Variants in NDUFV3 observed in about 807,000 individuals in gnomAD.
NDUFV3 encodes the protein NADH dehydrogenase [ubiquinone] flavoprotein 3, mitochondrial.
In NDUFV3, 44 loss-of-function variants were observed where a neutral mutation model predicts 37.5. The ratio of observed to expected loss-of-function variants is 1.17; its 90% CI spans 0.92 to 1.51. The LOEUF (loss-of-function observed/expected upper bound fraction) is 1.51, where lower values mean the gene tolerates loss of function less well. Ranked by LOEUF, NDUFV3 falls within the 40% of genes most tolerant of loss-of-function variation. The pLI is 0.00. For missense variants in NDUFV3, 580 were observed against 580.4 expected, an observed-to-expected ratio of 1.00 and a Z score of 0.01; for synonymous variants, 235 against 239.3, an observed-to-expected ratio of 0.98 and a Z score of 0.17.
Position 42,908,902 on chromosome 21 carries a change from A to G in NDUFV3, c.1303A>G (p.Thr435Ala), listed in dbSNP as rs1320004032. The stretch of plus-strand genomic sequence containing the variant: ...GCCTGCTGAGCCGTTTGACAACACT[A>G]CCTACAAGAACCTGCAGCATCATGA... ...PVPAEPFDNTTYKNLQHHDYS... is the reference protein window; with the variant it reads ...PVPAEPFDNTAYKNLQHHDYS... Residue 435 changes from threonine (T) to alanine (A), a missense_variant, in exon 4 of 4, where the codon ACC (threonine) becomes GCC (alanine). Coordinates refer to ENST00000354250, the MANE Select transcript of NDUFV3 (RefSeq NM_021075.4). 5 of 1,614,112 alleles carry G rather than the reference A, an allele frequency of 3.1e-6. No homozygotes were observed. The highest frequency in any genetic ancestry group is 4.2e-6 in the Non-Finnish European group (5 of 1,180,022).
intron 3 of NDUFV3, among the ~76,000 whole-genome samples, chr21:42,908,021 G>A (rs1015569012): frequency 6.6e-6 from 1 of 151,942 alleles, no homozygotes; most frequent in Non-Finnish European, 1.5e-5. Context: ...AAGACACGTT[G>A]TATGGCCTGG....
At chr21:42,904,826 C>T in intron 3 of NDUFV3, among the ~76,000 whole-genome samples, 1 of 149,400 alleles carries the variant, frequency 6.7e-6, no homozygotes, top group South Asian at 2.1e-4. Flanking sequence ...GAGTCTTGCT[C>T]CATCTCCAGG....
At chr21:42,906,954 T>C (rs1210911283) in intron 3 of NDUFV3, 1 of 493,722 alleles carries the variant, frequency 2.0e-6, no homozygotes, top group Admixed American at 2.2e-5. Flanking sequence ...ACAGAGCTTT[T>C]GATATTAATT....
In NDUFV3 at chr21:42,909,173, A is replaced by C; in HGVS notation, c.*152A>C. 1 of 781,382 alleles carries C rather than the reference A, an allele frequency of 1.3e-6. No individual in the cohort carries two copies. Among genetic ancestry groups the C allele is most frequent in the African/African-American group, 2.2e-5 (1 of 45,862 alleles). The allele number at this position is 781,382 out of a possible 1,614,324, so 48.4% of individuals were successfully genotyped here. On this transcript the variant is annotated 3_prime_UTR_variant, in exon 4 of 4. Transcript: ENST00000354250. ...TTTTTTTTTTTTGAGACAGGGTCTC[A>C]CTCTGTCACCCAGGCTGGAGTGCAG...
chr21:42,900,679 T>C (rs999712575), intron 2 of NDUFV3, among the ~76,000 whole-genome samples: 14 of 152,224 alleles, frequency 9.2e-5, no homozygotes, highest in African/African-American at 3.4e-4. Context: ...CAGAAGTGGC[T>C]TTGGAAGCTC....
chr21:42,897,800 C>T (rs1182903560), intron 2 of NDUFV3, among the ~76,000 whole-genome samples: 1 of 151,954 alleles, frequency 6.6e-6, no homozygotes, highest in African/African-American at 2.4e-5. Context: ...CCTCGGCCTC[C>T]TGAGTAGCTG....
At chr21:42,894,438 A>G (rs2058678100) in intron 1 of NDUFV3, among the ~76,000 whole-genome samples, 1 of 55,664 alleles carries the variant, frequency 1.8e-5, no homozygotes, top group Admixed American at 2.3e-4. Flanking sequence ...AATATATATT[A>G]TATAATATAT....
chr21:42,904,314 C>G (rs746652756), intron 3 of NDUFV3, 38 bp downstream of exon 3: 54 of 1,559,864 alleles, frequency 3.5e-5, no homozygotes, highest in South Asian at 4.7e-5. Flanking sequence ...CACCCTGTCC[C>G]TTAGGGTAGT....
At chr21:42,893,856 A>G (rs1358964582) in intron 1 of NDUFV3, among the ~76,000 whole-genome samples, 1 of 152,258 alleles carries the variant, frequency 6.6e-6, no homozygotes, top group Admixed American at 6.5e-5. Flanking sequence ...TTGAGAAGCC[A>G]GCTGACATGA....
At chr21:42,907,158 CTT>C (rs1453985869) in intron 3 of NDUFV3, among the ~76,000 whole-genome samples, 1 of 152,164 alleles carries the variant, frequency 6.6e-6, no homozygotes, top group Non-Finnish European at 1.5e-5. Flanking sequence ...GAGACCAGTA[CTT>C]CTTTTGCCTC....
chr21:42,911,333 A>G lies in NDUFV3; in HGVS notation c.*2312A>G, dbSNP rs1293949775. On this transcript the variant is annotated 3_prime_UTR_variant, in exon 4 of 4. Transcript: ENST00000354250. ...GTGTTACCACACGGGAGACTTAGCA[A>G]CTCAGCCAGATTCTTCTAAACACAT... 1 of 152,002 alleles carries G rather than the reference A, an allele frequency of 6.6e-6. No homozygotes were observed. 9.4% of individuals were successfully genotyped at this position (152,002 alleles called of 1,614,324 possible).
intron 3 of NDUFV3, among the ~76,000 whole-genome samples, chr21:42,906,207 C>T (rs2187246): frequency 0.65 from 99,177 of 152,044 alleles, 34,230 homozygotes; most frequent in African/African-American, 0.88. Flanking sequence ...AGATGCAATG[C>T]GCTTTAGGTG....
rs769238922 is a variant in NDUFV3, at chr21:42,896,979, T to A, written c.101T>A (p.Leu34Ter). The change falls in exon 2 of 4, where the codon TTG (leucine) becomes TAG (stop). Residue 34 changes from leucine (L) to a stop codon, truncating the protein, a stop_gained. Coordinates refer to ENST00000354250, the MANE Select transcript of NDUFV3 (RefSeq NM_021075.4). LOFTEE classifies it high-confidence loss of function. ...CGAGGACTTGCTTCTACGGTTTCTT[T>A]GTCTGCGGAATCAGGGAAGAGTGAA... The part of the protein sequence containing the change: ...VFRGLASTVS[L>*]SAESGKSEKG... The A allele has an allele frequency of 6.2e-7, 1 of 1,614,092 alleles. No individual in the cohort carries two copies. Among genetic ancestry groups the A allele is most frequent in the Non-Finnish European group, 8.5e-7 (1 of 1,179,974 alleles).
chr21:42,911,899 A>G lies in NDUFV3; in HGVS notation c.*2878A>G, dbSNP rs1056478700. On this transcript the variant is annotated 3_prime_UTR_variant, in exon 4 of 4. Transcript: ENST00000354250. ...CCTTAATATTAAAATGAACATGAATATATTTTGATTTGCATATATTTTTAA... is the reference window on the plus strand; with the variant it reads ...CCTTAATATTAAAATGAACATGAATGTATTTTGATTTGCATATATTTTTAA... The G allele has an allele frequency of 2.0e-5, 3 of 152,170 alleles. No individual in the cohort carries two copies. Among genetic ancestry groups the G allele is most frequent in the Non-Finnish European group, 2.9e-5 (2 of 68,036 alleles). The allele number at this position is 152,170 out of a possible 1,614,324, so 9.4% of individuals were successfully genotyped here.
At chr21:42,901,991 C>T (rs1301761358) in intron 2 of NDUFV3, among the ~76,000 whole-genome samples, 2 of 152,194 alleles carry the variant, frequency 1.3e-5, no homozygotes, top group Non-Finnish European at 2.9e-5. Context: ...GGCAGATCAC[C>T]TGAGGTCGGG....
rs1489061613 is a variant in NDUFV3, at chr21:42,910,646, G to T, written c.*1625G>T. On this transcript the variant is annotated 3_prime_UTR_variant, in exon 4 of 4. Transcript: ENST00000354250. ...ACGGAGTAGGAAGAGGTGAAGTTTC[G>T]TGCGGTGCAGGGACGGAGTAGGAAG... is the stretch of plus-strand genomic sequence containing the variant. The T allele has an allele frequency of 1.9e-5, 3 of 157,348 alleles. No homozygotes were observed. The highest frequency in any genetic ancestry group is 2.8e-5 in the Non-Finnish European group (2 of 70,320). The allele number at this position is 157,348 out of a possible 1,614,324, so 9.7% of individuals were successfully genotyped here. A position where few individuals can be genotyped will look rare whatever the true frequency, so the allele number is the denominator to read the frequency against.
rs1301295804 is a variant in NDUFV3, at chr21:42,894,291, C to A, written c.48+910C>A. Among the ~76,000 whole-genome samples the A allele has an allele frequency of 2.3e-4, 24 of 105,040 alleles. 2 individuals are homozygous for A. In the South Asian group the frequency reaches 4.8e-3, roughly 21 times the overall value. 68.9% of individuals were successfully genotyped at this position (105,040 alleles called of 152,430 possible). On this transcript the variant is annotated intron_variant, in intron 1 of 3. Transcript: ENST00000354250. ...TTACAAAAGCAGTAACTATTCCCTG[C>A]AGAATATATATGCGTGTGTGTATAT...
At chr21:42,899,587 G>A (rs1402545512) in intron 2 of NDUFV3, among the ~76,000 whole-genome samples, 1 of 152,190 alleles carries the variant, frequency 6.6e-6, no homozygotes, top group African/African-American at 2.4e-5. Context: ...TGGGACTACA[G>A]GTGCCCGCCA....
chr21:42,906,364 T>C (rs1319633539), intron 3 of NDUFV3, among the ~76,000 whole-genome samples: 1 of 152,168 alleles, frequency 6.6e-6, no homozygotes, highest in Non-Finnish European at 1.5e-5. Flanking sequence ...TTGCCTTATG[T>C]GCCTTACATG....
Sources: allele counts gnomAD v4.1 joint callset (sites outside exome capture counted in the v4.1 genomes callset), GRCh38; gene constraint gnomAD v4.1.1; transcripts MANE v1.5; gene names NCBI Gene and HGNC (gene_info 2026-07-23, HGNC 2026-07-21).